Variants in AKAP7 observed in about 807,000 individuals in gnomAD.
AKAP7 encodes A kinase (PRKA) anchor protein 7.
AKAP7 carries 39 observed loss-of-function variants against 39.5 expected under a neutral mutation model. The ratio of observed to expected loss-of-function variants is 0.99; its 90% CI spans 0.76 to 1.29. The LOEUF is 1.29. Ranked by LOEUF, AKAP7 falls within the 50% of genes most tolerant of loss-of-function variation. The probability of loss-of-function intolerance (pLI) is 0.00; values close to 1 mark genes in which losing one functional copy is unlikely to be tolerated. For missense variants in AKAP7, 414 were observed against 407.7 expected, an observed-to-expected ratio of 1.02 and a Z score of -0.13; for synonymous variants, 140 against 139.1, an observed-to-expected ratio of 1.01 and a Z score of -0.05.
chr6:131,137,639 C>G (rs1367544679), intron 1 of AKAP7: 1 of 152,236 alleles, frequency 6.6e-6, no homozygotes, highest in Non-Finnish European at 1.5e-5. Context: ...GCCTCGGCCT[C>G]CCAAAGTGCT....
Position 131,135,772 on chromosome 6 carries a change from C to A in AKAP7, c.9C>A (p.Arg3=). The A allele has an allele frequency of 1.6e-6, 2 of 1,230,296 alleles. No individual in the cohort carries two copies. The highest frequency in any genetic ancestry group is 2.0e-6 in the Non-Finnish European group (2 of 988,082). 76.2% of individuals were successfully genotyped at this position (1,230,296 alleles called of 1,614,324 possible). ...CCGCATGCGCCGCGACCATGGAGCG[C>A]CCCGAAGCGGGTGAGACCGGGCTGT... ME[R]PEAGGINSNE... is the part of the protein sequence containing the mutation. Residue 3 remains arginine, a synonymous_variant, in exon 1 of 8, where the codon CGC becomes CGA. Coordinates refer to ENST00000431975, the MANE Select transcript of AKAP7 (RefSeq NM_016377.4).
At chr6:131,192,490 G>T in intron 5 of AKAP7, among the ~76,000 whole-genome samples, 1 of 152,122 alleles carries the variant, frequency 6.6e-6, no homozygotes, top group Admixed American at 6.6e-5. Context: ...TGTTACTATA[G>T]CCCTGTAGTA....
chr6:131,245,370 G>A (rs1225994928), intron 7 of AKAP7, among the ~76,000 whole-genome samples: 4 of 150,148 alleles, frequency 2.7e-5, no homozygotes, highest in Admixed American at 1.3e-4. Flanking sequence ...TCAGCATCCC[G>A]AGTAGCTGGG....
chr6:131,231,306 A>C (rs926926661), intron 7 of AKAP7, among the ~76,000 whole-genome samples: 7 of 152,120 alleles, frequency 4.6e-5, no homozygotes, highest in African/African-American at 1.7e-4. Flanking sequence ...TGTGAAATAG[A>C]TATTATGTAA....
chr6:131,227,336 G>T (rs1011970069), intron 7 of AKAP7, among the ~76,000 whole-genome samples: 1 of 152,216 alleles, frequency 6.6e-6, no homozygotes, highest in Non-Finnish European at 1.5e-5. Flanking sequence ...CCACAGTGGA[G>T]TTAGCTGAGG....
intron 3 of AKAP7, among the ~76,000 whole-genome samples, chr6:131,163,418 G>T (rs938534154): frequency 2.6e-5 from 4 of 152,162 alleles, no homozygotes; most frequent in Admixed American, 1.3e-4. Context: ...CTTGGGAAAA[G>T]AATTAGCATT....
At chr6:131,196,034 C>G (rs1585062966) in intron 5 of AKAP7, among the ~76,000 whole-genome samples, 1 of 152,268 alleles carries the variant, frequency 6.6e-6, no homozygotes, top group South Asian at 2.1e-4. Context: ...AATAAACTTT[C>G]TACCCCTACC....
intron 5 of AKAP7, among the ~76,000 whole-genome samples, chr6:131,172,504 T>G (rs967908654): frequency 6.6e-6 from 1 of 152,114 alleles, no homozygotes; most frequent in African/African-American, 2.4e-5. Flanking sequence ...AGCTAATTTT[T>G]TTTTTAAGAG....
chr6:131,263,997 T>C (rs1044420319), intron 7 of AKAP7, among the ~76,000 whole-genome samples: 1 of 152,182 alleles, frequency 6.6e-6, no homozygotes, highest in Non-Finnish European at 1.5e-5. Flanking sequence ...TTCCCCCCAT[T>C]CTTTACTTGC....
At chr6:131,130,946 T>C (rs934972147), upstream of AKAP7, among the ~76,000 whole-genome samples, 6 of 152,168 alleles carry the variant, frequency 3.9e-5, no homozygotes, top group African/African-American at 1.2e-4. Flanking sequence ...AAAATAGAAA[T>C]TAAAAAATTT....
At chr6:131,223,692 T>C (rs958611474) in intron 7 of AKAP7, among the ~76,000 whole-genome samples, 2 of 152,190 alleles carry the variant, frequency 1.3e-5, no homozygotes, top group Admixed American at 6.5e-5. Context: ...GCCAACCTTA[T>C]AAGGTCTCTT....
Position 131,242,056 on chromosome 6 carries a change from G to T in AKAP7, c.850+22248G>T, listed in dbSNP as rs1015061934. On this transcript the variant is annotated intron_variant, in intron 7 of 7. Transcript: ENST00000431975. ...TAACCCACAGGGATCCTTTGATATT[G>T]TATCTGACCGTAATATGTTTTATAT... 15 of 981,608 alleles carry T rather than the reference G, an allele frequency of 1.5e-5. No individual in the cohort carries two copies. In the African/African-American group the frequency reaches 2.6e-4, roughly 17 times the overall value. The allele number at this position is 981,608 out of a possible 1,614,324, so 60.8% of individuals were successfully genotyped here. A position where few individuals can be genotyped will look rare whatever the true frequency, so the allele number is the denominator to read the frequency against.
chr6:131,244,905 A>G (rs1166586128), intron 7 of AKAP7, among the ~76,000 whole-genome samples: 1 of 152,210 alleles, frequency 6.6e-6, no homozygotes, highest in Non-Finnish European at 1.5e-5. Context: ...TTCAAATACA[A>G]ATACCTATAA....
chr6:131,144,079 T>C (rs1167286817), intron 1 of AKAP7, among the ~76,000 whole-genome samples: 2 of 138,224 alleles, frequency 1.4e-5, no homozygotes, highest in Non-Finnish European at 3.1e-5. Flanking sequence ...GGGTTGGGGA[T>C]AAGGTCACAG....
chr6:131,152,956 G>A (rs911498564), intron 2 of AKAP7, among the ~76,000 whole-genome samples: 7 of 151,202 alleles, frequency 4.6e-5, no homozygotes, highest in Admixed American at 6.6e-5. Context: ...GTGAAACCCC[G>A]TCTCTACTAA....
chr6:131,216,765 T>A (rs1309047642), intron 6 of AKAP7, among the ~76,000 whole-genome samples: 1 of 152,192 alleles, frequency 6.6e-6, no homozygotes, highest in Non-Finnish European at 1.5e-5. Flanking sequence ...AATTGAAATG[T>A]CACTTATACT....
At position 131,219,741 on chromosome 6, in the gene AKAP7, T is replaced by C. The variant is rs1414903056; in HGVS notation, c.783T>C (p.Asp261=). ...RFGEEILYRI[D]LCSMLKKKQS... ...GAGAAGAAATATTATATCGCATAGATCTTTGCTCCATGCTGAAGAAAAAAC... is the reference window on the plus strand; with the variant it reads ...GAGAAGAAATATTATATCGCATAGACCTTTGCTCCATGCTGAAGAAAAAAC... The change falls in exon 7 of 8, where the codon GAT becomes GAC. Residue 261 remains aspartate (D), a synonymous_variant. Transcript: ENST00000431975. The C allele has an allele frequency of 6.3e-7, 1 of 1,597,476 alleles. No individual in the cohort carries two copies. Among genetic ancestry groups the C allele is most frequent in the Non-Finnish European group, 8.5e-7 (1 of 1,171,400 alleles).
chr6:131,146,221 T>C (rs1801475628), intron 2 of AKAP7, among the ~76,000 whole-genome samples: 1 of 152,226 alleles, frequency 6.6e-6, no homozygotes, highest in African/African-American at 2.4e-5. Flanking sequence ...GTTCATGTAT[T>C]GGATCAATTC....
At chr6:131,162,251 T>G (rs1803042782) in intron 3 of AKAP7, among the ~76,000 whole-genome samples, 1 of 152,208 alleles carries the variant, frequency 6.6e-6, no homozygotes, top group Non-Finnish European at 1.5e-5. Flanking sequence ...ACTTCTAGGC[T>G]TTGCATCACA....
Sources: allele counts gnomAD v4.1 joint callset (sites outside exome capture counted in the v4.1 genomes callset), GRCh38; gene constraint gnomAD v4.1.1; transcripts MANE v1.5; gene names NCBI Gene and HGNC (gene_info 2026-07-23, HGNC 2026-07-21).